RP1: variants seen among roughly 807,000 people sequenced by gnomAD.
RP1 encodes the protein RP1 axonemal microtubule associated, also known as oxygen-regulated protein 1.
A neutral mutation model predicts 14.8 loss-of-function variants in RP1; 16 were observed. That is an observed-to-expected ratio of 1.08 (90% CI 0.73 to 1.65). The LOEUF (loss-of-function observed/expected upper bound fraction) is 1.65. Ranked by LOEUF, RP1 falls within the 40% of genes most tolerant of loss-of-function variation. The pLI is 0.00. For missense variants in RP1, 2,631 were observed against 2,535.0 expected (o/e 1.04, Z -0.81); for synonymous variants, 876 against 883.6 (o/e 0.99, Z 0.15).
intron 24 of RP1, among the ~76,000 whole-genome samples, chr8:54,802,501 C>T (rs1035042673): frequency 6.6e-6 from 1 of 152,128 alleles, no homozygotes; most frequent in African/African-American, 2.4e-5. Flanking sequence ...AAATCTCTAT[C>T]AAAGTTCTTA....
At chr8:54,855,083 C>A (rs1489511495) in intron 26 of RP1, among the ~76,000 whole-genome samples, 1 of 152,202 alleles carries the variant, frequency 6.6e-6, no homozygotes, top group Non-Finnish European at 1.5e-5. Context: ...AGTCCTCCAG[C>A]CCTTGGCAAC....
In RP1 at chr8:54,589,749, T is replaced by C. The variant is rs556290366; in HGVS notation, c.-13+30429T>C. On this transcript the variant is annotated intron_variant, in intron 1 of 22. Transcript: ENST00000636932. ...TTTTTCTTCAATTTTCCCCACCAAA[T>C]ATGCATCTTTTCTCAATTCTGGAAT... Among the ~76,000 whole-genome samples the C allele has an allele frequency of 1.2e-4, 19 of 152,292 alleles. No homozygotes were observed. The South Asian group carries it at 3.9e-3, about 32-fold the overall frequency.
At chr8:54,817,454 G>T (rs1220227279) in intron 24 of RP1, among the ~76,000 whole-genome samples, 1 of 152,116 alleles carries the variant, frequency 6.6e-6, no homozygotes, top group Non-Finnish European at 1.5e-5. Context: ...GATACTGATG[G>T]AGGAAGCCTA....
intron 1 of RP1, among the ~76,000 whole-genome samples, chr8:54,619,587 G>A (rs781380804): frequency 6.6e-6 from 1 of 152,172 alleles, no homozygotes; most frequent in Non-Finnish European, 1.5e-5. Context: ...ACTGAGAAGT[G>A]GAAAAGGAAA....
chr8:54,762,803 G>A (rs1381888220), intron 22 of RP1, among the ~76,000 whole-genome samples: 3 of 152,132 alleles, frequency 2.0e-5, no homozygotes, highest in Non-Finnish European at 2.9e-5. Context: ...GTCCTTCCTC[G>A]CCCTTCCCAC....
intron 1 of RP1, among the ~76,000 whole-genome samples, chr8:54,571,316 A>T (rs926472131): frequency 2.0e-5 from 3 of 152,212 alleles, no homozygotes; most frequent in Non-Finnish European, 4.4e-5. Flanking sequence ...AGTCACTTTT[A>T]TAGAGCTGAT....
chr8:54,653,018 A>G (rs943198916), intron 5 of RP1, among the ~76,000 whole-genome samples: 1 of 152,190 alleles, frequency 6.6e-6, no homozygotes, highest in African/African-American at 2.4e-5. Context: ...TGCCCTTAAT[A>G]ATTAATTAAT....
intron 7 of RP1, among the ~76,000 whole-genome samples, chr8:54,667,370 C>T (rs191200500): frequency 4.2e-4 from 64 of 152,182 alleles, no homozygotes; most frequent in Non-Finnish European, 7.1e-4. Context: ...TTATGTCTCC[C>T]CTAACTTGGA....
At chr8:54,798,287 C>T (rs1772685298) in intron 24 of RP1, among the ~76,000 whole-genome samples, 2 of 152,138 alleles carry the variant, frequency 1.3e-5, no homozygotes, top group African/African-American at 4.8e-5. Flanking sequence ...GCTGGGATTA[C>T]AGGCATGAAC....
chr8:54,572,083 G>A (rs1171226099), intron 1 of RP1, among the ~76,000 whole-genome samples: 2 of 152,218 alleles, frequency 1.3e-5, no homozygotes, highest in African/African-American at 4.8e-5. Context: ...GCTGAAAGAT[G>A]ATCCTACTCA....
At chr8:54,562,480 C>T (rs1382044181) in intron 1 of RP1, among the ~76,000 whole-genome samples, 4 of 152,042 alleles carry the variant, frequency 2.6e-5, no homozygotes, top group African/African-American at 9.7e-5. Flanking sequence ...CTAAGGTCAG[C>T]CTGGCCAACA....
chr8:54,726,299 A>G, intron 16 of RP1: 1 of 1,492,966 alleles, frequency 6.7e-7, no homozygotes, highest in Non-Finnish European at 8.8e-7. Context: ...CTGAGAAGAA[A>G]CAAGTGATTT....
chr8:54,652,875 A>G (rs1197043722), intron 5 of RP1: 13 of 1,524,894 alleles, frequency 8.5e-6, no homozygotes, highest in Non-Finnish European at 1.1e-5. Flanking sequence ...AGGTAAGGAT[A>G]TATCAACACT....
chr8:54,759,372 G>T (rs1171147282), intron 22 of RP1, among the ~76,000 whole-genome samples: 1 of 152,126 alleles, frequency 6.6e-6, no homozygotes, highest in South Asian at 2.1e-4. Flanking sequence ...GAGAATATTT[G>T]TTTAACTGTT....
In RP1 at chr8:54,629,888, T is replaced by C. The variant is rs959261860; in HGVS notation, c.6006T>C (p.Gly2002=). The C allele has an allele frequency of 8.1e-6, 13 of 1,613,700 alleles. No homozygotes were observed. In the Admixed American group the frequency reaches 8.3e-5, roughly 10 times the overall value. Residue 2002 remains glycine, a synonymous_variant, in exon 4 of 4, where the codon GGT becomes GGC. Coordinates refer to ENST00000220676, the MANE Select transcript of RP1 (RefSeq NM_006269.2). ...TCAGTAACACATTTGACTTGATGGG[T>C]AAAAGAAGAAAACAAAAAAGAATTA... is the stretch of plus-strand genomic sequence containing the variant. ...FYFSNTFDLM[G]KRRKQKRINF... is the part of the protein sequence containing the mutation.
chr8:54,621,808 G>A (rs572407826), intron 2 of RP1, among the ~76,000 whole-genome samples: 2 of 152,180 alleles, frequency 1.3e-5, no homozygotes, highest in Admixed American at 6.5e-5. Context: ...CCTGAGCCCT[G>A]AGTTACATAA....
At chr8:54,840,212 A>T (rs1811758288) in intron 25 of RP1, among the ~76,000 whole-genome samples, 4 of 152,140 alleles carry the variant, frequency 2.6e-5, no homozygotes, top group Admixed American at 2.0e-4. Flanking sequence ...ATGGTGTGCT[A>T]TATTAGATAT....
In RP1 at chr8:54,628,845, C is replaced by T; in HGVS notation, c.4963C>T (p.Gln1655Ter). 6.2e-7 allele frequency: 1 copy of T among 1,614,076 alleles called. No individual in the cohort carries two copies. Among genetic ancestry groups the T allele is most frequent in the Non-Finnish European group, 8.5e-7 (1 of 1,179,978 alleles). Residue 1655 changes from glutamine (Q) to a stop codon, truncating the protein, a stop_gained, in exon 4 of 4, where the codon CAG becomes TAG. Transcript: ENST00000220676. LOFTEE classifies it low-confidence loss of function (END_TRUNC). ...SFFPGSTRKS[Q>*]VCPYNSVEFQ... is the part of the protein sequence containing the mutation. ...TTTTCCTGGGTCTACCCGCAAATCT[C>T]AGGTTTGTCCTTATAATTCTGTGGA...
chr8:54,690,601 C>A (rs1399906108), intron 12 of RP1, among the ~76,000 whole-genome samples: 1 of 151,964 alleles, frequency 6.6e-6, no homozygotes, highest in Non-Finnish European at 1.5e-5. Context: ...GTAGAGAATT[C>A]TGGATGTCTT....
Sources: gnomAD v4.1 joint callset for allele counts (sites outside exome capture counted in the v4.1 genomes callset) on GRCh38, gnomAD v4.1.1 for gene constraint, MANE v1.5 for transcripts, NCBI Gene and HGNC (gene_info 2026-07-23, HGNC 2026-07-21) for gene names.